The following PTPRR variants were observed in gnomAD, a reference collection of about 807,000 sequenced individuals.
PTPRR encodes the protein receptor-type tyrosine-protein phosphatase R.
Under a neutral mutation model 77.2 loss-of-function variants are expected in PTPRR, and 38 were observed. The observed-to-expected ratio is 0.49, with a 90% CI of 0.38 to 0.65. The LOEUF is 0.65. Ranked by LOEUF, PTPRR falls within the 30% of genes least tolerant of loss-of-function variation. The pLI, the probability that PTPRR is intolerant of heterozygous loss-of-function variation, is 0.00. For missense variants in PTPRR, 744 were observed against 799.2 expected, an observed-to-expected ratio of 0.93 and a Z score of 0.83; for synonymous variants, 299 against 283.1, an observed-to-expected ratio of 1.06 and a Z score of -0.57.
intron 2 of PTPRR, among the ~76,000 whole-genome samples, chr12:70,784,871 G>T (rs1480263563): frequency 6.6e-6 from 1 of 152,174 alleles, no homozygotes; most frequent in East Asian, 1.9e-4. Flanking sequence ...AAAGTGGCCT[G>T]ATTGGATTTG....
intron 2 of PTPRR, among the ~76,000 whole-genome samples, chr12:70,795,389 C>T (rs900256967): frequency 3.9e-5 from 6 of 152,102 alleles, no homozygotes; most frequent in Admixed American, 3.9e-4. Context: ...TGTGATCAAC[C>T]TTTGATGATT....
At chr12:70,837,105 T>TA (rs35005244) in intron 2 of PTPRR, among the ~76,000 whole-genome samples, 3 of 151,394 alleles carry the variant, frequency 2.0e-5, no homozygotes, top group African/African-American at 4.9e-5. Flanking sequence ...ACAAAAGGCT[T>TA]AAAAAAAAGG....
At chr12:70,740,498 G>T (rs1890012656) in intron 6 of PTPRR, among the ~76,000 whole-genome samples, 1 of 151,944 alleles carries the variant, frequency 6.6e-6, no homozygotes, top group Admixed American at 6.6e-5. Context: ...TCAGCCTCCT[G>T]AGTAGCTGGG....
At chr12:70,875,981 G>A (rs1279730734) in intron 2 of PTPRR, among the ~76,000 whole-genome samples, 3 of 152,096 alleles carry the variant, frequency 2.0e-5, no homozygotes, top group Admixed American at 6.6e-5. Context: ...CACCTCCCTG[G>A]TCAGCAAAAA....
intron 2 of PTPRR, among the ~76,000 whole-genome samples, chr12:70,792,427 ATTCTGCTT>A (rs970335824): frequency 3.9e-5 from 6 of 152,152 alleles, no homozygotes; most frequent in Admixed American, 6.6e-5. Flanking sequence ...GGTTGGACCC[ATTCTGCTT>A]AGTATGGTTG....
At chr12:70,777,707 C>A (rs938384224) in intron 2 of PTPRR, among the ~76,000 whole-genome samples, 2 of 152,132 alleles carry the variant, frequency 1.3e-5, no homozygotes, top group African/African-American at 4.8e-5. Context: ...CTTCTGTCTG[C>A]AAGCTGGATG....
At chr12:70,803,429 G>A (rs1241593511) in intron 2 of PTPRR, among the ~76,000 whole-genome samples, 2 of 152,094 alleles carry the variant, frequency 1.3e-5, no homozygotes, top group African/African-American at 2.4e-5. Context: ...AAATCTAAGT[G>A]CAAACACCAA....
At chr12:70,706,333 T>C (rs1321151966) in intron 6 of PTPRR, among the ~76,000 whole-genome samples, 3 of 152,028 alleles carry the variant, frequency 2.0e-5, no homozygotes, top group Admixed American at 2.0e-4. Context: ...GTGACATAAA[T>C]GGAGTGTTAC....
chr12:70,805,918 A>G (rs1363119491), intron 2 of PTPRR, among the ~76,000 whole-genome samples: 1 of 152,214 alleles, frequency 6.6e-6, no homozygotes, highest in African/African-American at 2.4e-5. Context: ...ATGTATATGT[A>G]TTTCATATAG....
At chr12:70,914,595 TCA>T (rs1222654736) in intron 1 of PTPRR, among the ~76,000 whole-genome samples, 2 of 152,200 alleles carry the variant, frequency 1.3e-5, no homozygotes, top group African/African-American at 4.8e-5. Flanking sequence ...CTGGTGTTAT[TCA>T]CAATGTTAGG....
At chr12:70,744,390 C>T (rs752356392) in intron 6 of PTPRR, among the ~76,000 whole-genome samples, 1 of 152,156 alleles carries the variant, frequency 6.6e-6, no homozygotes, top group Non-Finnish European at 1.5e-5. Flanking sequence ...ACCTACATTG[C>T]CCATCAAGAA....
intron 8 of PTPRR, among the ~76,000 whole-genome samples, chr12:70,692,706 T>G (rs1888096265): frequency 6.6e-6 from 1 of 152,220 alleles, no homozygotes; most frequent in South Asian, 2.1e-4. Context: ...TGGTAAAGTC[T>G]TCCTCATTAC....
At chr12:70,871,198 T>A (rs997391073) in intron 2 of PTPRR, among the ~76,000 whole-genome samples, 2 of 152,170 alleles carry the variant, frequency 1.3e-5, no homozygotes, top group African/African-American at 4.8e-5. Context: ...GGGCTAACTT[T>A]AGCTGATAGG....
At chr12:70,688,785 T>C (rs912891751) in intron 8 of PTPRR, among the ~76,000 whole-genome samples, 2 of 152,156 alleles carry the variant, frequency 1.3e-5, no homozygotes, top group Non-Finnish European at 2.9e-5. Flanking sequence ...TGAAAACAAC[T>C]GGAGTGTCCA....
At chr12:70,685,376 T>C (rs2136737462) in intron 8 of PTPRR, among the ~76,000 whole-genome samples, 1 of 146,776 alleles carries the variant, frequency 6.8e-6, no homozygotes, top group South Asian at 2.1e-4. Context: ...CTGGGCACAG[T>C]GGCTTACACT....
chr12:70,718,217 T>A (rs929496952), intron 6 of PTPRR, among the ~76,000 whole-genome samples: 6 of 152,110 alleles, frequency 3.9e-5, no homozygotes, highest in African/African-American at 1.4e-4. Flanking sequence ...GATTTAACAC[T>A]GGAAGCTATA....
chr12:70,789,114 C>A (rs1227295107), intron 2 of PTPRR: 6 of 430,196 alleles, frequency 1.4e-5, no homozygotes, highest in Non-Finnish European at 2.0e-5. Flanking sequence ...TGGGAATTAG[C>A]AAAACTGTAA....
At chr12:70,782,260 C>T (rs965961033) in intron 2 of PTPRR, among the ~76,000 whole-genome samples, 1 of 151,916 alleles carries the variant, frequency 6.6e-6, no homozygotes, top group African/African-American at 2.4e-5. Context: ...TGAGCGAATA[C>T]CAATCAAAAA....
rs757318753 is a variant in PTPRR at position 70,639,194 on chromosome 12, G to T, written c.1964C>A (p.Thr655Asn). Residue 655 changes from threonine (T) to asparagine (N), a missense_variant, in exon 14 of 14, where the codon ACT becomes AAT. Around this residue, in one of 3 missense-constraint regions of PTPRR, gnomAD observed 170 missense variants for 209.8 expected, o/e 0.81. Coordinates refer to ENST00000283228, the MANE Select transcript of PTPRR (RefSeq NM_002849.4). Reference protein sequence around the residue: ...CLYESRLSAETVQ With the variant: ...CLYESRLSAENVQ ...CAAGTCTTCAATGACTCACTGGACA[G>T]TCTCTGCTGAAAGTCTGCTCTCATA... The T allele has an allele frequency of 2.5e-6, 4 of 1,612,860 alleles. No individual in the cohort carries two copies. Among genetic ancestry groups the T allele is most frequent in the Non-Finnish European group, 2.5e-6 (3 of 1,179,668 alleles).
Sources: allele counts gnomAD v4.1 joint callset (sites outside exome capture counted in the v4.1 genomes callset), GRCh38; gene constraint gnomAD v4.1.1; regional missense constraint gnomAD v4.1.1; transcripts MANE v1.5; gene names NCBI Gene and HGNC (gene_info 2026-07-23, HGNC 2026-07-21).